The following ZNF385D variants were observed in gnomAD, a reference collection of about 807,000 sequenced individuals.
ZNF385D encodes zinc finger protein 659.
Under a neutral mutation model 35.8 loss-of-function variants are expected in ZNF385D, and 15 were observed. That is an observed-to-expected ratio of 0.42 (90% CI 0.28 to 0.64). ZNF385D has a LOEUF of 0.64. Among genes scored for constraint, ZNF385D ranks in the 30% least tolerant of loss-of-function variants. ZNF385D has a pLI of 0.23. For synonymous variants in ZNF385D, 212 were observed against 186.8 expected, an observed-to-expected ratio of 1.13 and a Z score of -1.10; for missense variants, 474 against 494.6, an observed-to-expected ratio of 0.96 and a Z score of 0.39.
At chr3:22,082,277 C>G (rs1032578813) in intron 3 of ZNF385D, among the ~76,000 whole-genome samples, 1 of 152,096 alleles carries the variant, frequency 6.6e-6, no homozygotes, top group Non-Finnish European at 1.5e-5. Context: ...TGCAAGGGGT[C>G]AGGGAATTCC....
intron 2 of ZNF385D, among the ~76,000 whole-genome samples, chr3:22,219,243 A>G (rs1698091567): frequency 6.6e-6 from 1 of 152,068 alleles, no homozygotes; most frequent in African/African-American, 2.4e-5. Context: ...GTGCTCTCCT[A>G]GATGTGTCTC....
At chr3:21,726,710 T>A (rs113342185) in intron 1 of ZNF385D, among the ~76,000 whole-genome samples, 2 of 152,188 alleles carry the variant, frequency 1.3e-5, no homozygotes. Flanking sequence ...TGCTCATGGA[T>A]AGGAAGAACC....
At chr3:21,466,634 A>G (rs1703535387) in intron 4 of ZNF385D, among the ~76,000 whole-genome samples, 1 of 152,156 alleles carries the variant, frequency 6.6e-6, no homozygotes, top group African/African-American at 2.4e-5. Context: ...ATGGTAATGT[A>G]GTCATCTTGT....
rs116499315 is a variant in ZNF385D, at chr3:21,677,665, T to C, written c.23-12637A>G. ...TATTCTGCTAGTGTGTGGGGGATCA[T>C]ATAGACTGAATTATTTAAAGCAGTC... On this transcript the variant is annotated intron_variant, in intron 1 of 7. Transcript: ENST00000281523. Among the ~76,000 whole-genome samples, 654 of 152,106 alleles carry C rather than the reference T, an allele frequency of 4.3e-3. 4 individuals carry two copies. Among genetic ancestry groups the C allele is most frequent in the African/African-American group, 0.015 (613 of 41,514 alleles).
chr3:21,727,302 C>A (rs949717098), intron 1 of ZNF385D, among the ~76,000 whole-genome samples: 1 of 152,138 alleles, frequency 6.6e-6, no homozygotes, highest in Non-Finnish European at 1.5e-5. Flanking sequence ...GCCATGGCAA[C>A]AAAAGCCAAA....
intron 2 of ZNF385D, among the ~76,000 whole-genome samples, chr3:22,201,468 C>T (rs970424151): frequency 9.9e-5 from 15 of 151,892 alleles, no homozygotes; most frequent in Admixed American, 2.6e-4. Flanking sequence ...TTTTATACGT[C>T]GGAAATAATT....
intron 3 of ZNF385D, among the ~76,000 whole-genome samples, chr3:21,983,159 A>AT (rs771399662): frequency 3.0e-5 from 3 of 100,842 alleles, no homozygotes; most frequent in South Asian, 6.2e-4. Context: ...ATTTTATTTT[A>AT]TTTTATTATT....
intron 2 of ZNF385D, among the ~76,000 whole-genome samples, chr3:22,349,552 A>G (rs1306258957): frequency 6.6e-6 from 1 of 152,202 alleles, no homozygotes; most frequent in Non-Finnish European, 1.5e-5. Flanking sequence ...AGATAATGCA[A>G]TTGAACATAC....
chr3:22,358,616 T>G (rs769960323), intron 2 of ZNF385D, among the ~76,000 whole-genome samples: 14 of 151,650 alleles, frequency 9.2e-5, no homozygotes, highest in Non-Finnish European at 1.8e-4. Context: ...ATGAGGAGAT[T>G]TGAATCAAAA....
chr3:22,132,903 C>G (rs1238215628), intron 3 of ZNF385D, among the ~76,000 whole-genome samples: 2 of 152,052 alleles, frequency 1.3e-5, no homozygotes, highest in African/African-American at 4.8e-5. Context: ...AAGTTATTCA[C>G]TGAGTATTCG....
At chr3:21,546,010 C>T (rs766985553) in intron 3 of ZNF385D, among the ~76,000 whole-genome samples, 1 of 152,056 alleles carries the variant, frequency 6.6e-6, no homozygotes, top group Non-Finnish European at 1.5e-5. Context: ...TCTTGCTGTA[C>T]TTTATGCCAA....
At chr3:22,182,658 C>T (rs988344046) in intron 2 of ZNF385D, among the ~76,000 whole-genome samples, 2 of 151,832 alleles carry the variant, frequency 1.3e-5, no homozygotes, top group East Asian at 1.9e-4. Flanking sequence ...TCATTTTTCA[C>T]TATGGTACCA....
chr3:22,186,780 G>C (rs1368897247), intron 2 of ZNF385D, among the ~76,000 whole-genome samples: 2 of 152,028 alleles, frequency 1.3e-5, no homozygotes, highest in Non-Finnish European at 2.9e-5. Context: ...AGTATTTAGA[G>C]TAACTGGCAC....
intron 3 of ZNF385D, among the ~76,000 whole-genome samples, chr3:21,958,438 C>T (rs924068040): frequency 2.0e-5 from 3 of 152,082 alleles, no homozygotes; most frequent in Non-Finnish European, 2.9e-5. Flanking sequence ...CAAAAGATCA[C>T]TATTAGAACT....
At chr3:22,189,756 A>G (rs1362767163) in intron 2 of ZNF385D, among the ~76,000 whole-genome samples, 1 of 152,184 alleles carries the variant, frequency 6.6e-6, no homozygotes, top group Non-Finnish European at 1.5e-5. Flanking sequence ...AGCCAAATTT[A>G]AATAGCTCAA....
At chr3:21,455,462 C>A (rs1462150441) in intron 4 of ZNF385D, among the ~76,000 whole-genome samples, 4 of 152,178 alleles carry the variant, frequency 2.6e-5, no homozygotes, top group Admixed American at 1.3e-4. Flanking sequence ...CTTTGACAAA[C>A]CTGAGAAAAA....
At chr3:21,911,666 A>AT (rs138106987) in intron 3 of ZNF385D, among the ~76,000 whole-genome samples, 5 of 151,784 alleles carry the variant, frequency 3.3e-5, no homozygotes, top group African/African-American at 4.8e-5. Context: ...GAAGGCATAC[A>AT]TTTTTTTATT....
intron 2 of ZNF385D, among the ~76,000 whole-genome samples, chr3:22,225,141 G>T (rs73145069): frequency 0.013 from 1,964 of 152,234 alleles, 40 homozygotes; most frequent in African/African-American, 0.045. Flanking sequence ...GTGTTAATTT[G>T]CTCCCTTTAC....
chr3:21,890,183 A>C (rs199546053), intron 3 of ZNF385D, among the ~76,000 whole-genome samples: 24 of 152,326 alleles, frequency 1.6e-4, no homozygotes, highest in East Asian at 7.7e-4. Flanking sequence ...TGTGCAGGTT[A>C]TATAAGCAAG....
Sources: gnomAD v4.1 joint callset for allele counts (sites outside exome capture counted in the v4.1 genomes callset) on GRCh38, gnomAD v4.1.1 for gene constraint, MANE v1.5 for transcripts, NCBI Gene and HGNC (gene_info 2026-07-23, HGNC 2026-07-21) for gene names.